ZNF438: variants seen among roughly 807,000 people sequenced by gnomAD.
The protein encoded by ZNF438 is zinc finger protein 438.
ZNF438 carries 25 observed loss-of-function variants against 38.0 expected under a neutral mutation model. The ratio of observed to expected loss-of-function variants is 0.66; its 90% confidence interval spans 0.48 to 0.92. The LOEUF is 0.92. Among genes scored for constraint, ZNF438 ranks in the 40% least tolerant of loss-of-function variants. The probability of loss-of-function intolerance (pLI) is 0.00; values close to 1 mark genes in which losing one functional copy is unlikely to be tolerated. For synonymous variants in ZNF438, 372 were observed against 364.1 expected (o/e 1.02, Z -0.25); for missense variants, 1,007 against 999.6 (o/e 1.01, Z -0.10).
chr10:30,907,604 T>C (rs2042709477), intron 3 of ZNF438, among the ~76,000 whole-genome samples: 1 of 152,168 alleles, frequency 6.6e-6, no homozygotes, highest in African/African-American at 2.4e-5. Context: ...GTTTTTGTTT[T>C]TTAGGAATTT....
chr10:30,901,774 C>T (rs916686959), intron 3 of ZNF438, among the ~76,000 whole-genome samples: 13 of 152,198 alleles, frequency 8.5e-5, no homozygotes, highest in East Asian at 5.8e-4. Context: ...AAGAATGAAG[C>T]CGCGGACCCT....
chr10:30,850,509 C>G, intron 4 of ZNF438, 142 bp from the exon 6 acceptor site: 1 of 867,084 alleles, frequency 1.2e-6, no homozygotes, highest in South Asian at 2.1e-5. Context: ...TCTTGTGTCC[C>G]TCAAGACCAG....
intron 1 of ZNF438, among the ~76,000 whole-genome samples, chr10:30,963,112 G>A (rs1373442161): frequency 6.6e-6 from 1 of 152,042 alleles, no homozygotes; most frequent in African/African-American, 2.4e-5. Context: ...ACTTTAAGAG[G>A]TTGGCCGGGC....
At chr10:30,912,009 T>A (rs1035954488) in intron 2 of ZNF438, among the ~76,000 whole-genome samples, 3 of 152,272 alleles carry the variant, frequency 2.0e-5, no homozygotes, top group Non-Finnish European at 4.4e-5. Flanking sequence ...ATATTCAACC[T>A]CTTCTTCTTA....
chr10:31,029,425 T>C (rs1055006064), intron 1 of ZNF438, among the ~76,000 whole-genome samples: 3 of 152,216 alleles, frequency 2.0e-5, no homozygotes, highest in Non-Finnish European at 4.4e-5. Flanking sequence ...ACAGCACCAC[T>C]ATACTTCTAG....
chr10:30,913,382 C>T (rs1228230719), intron 2 of ZNF438, among the ~76,000 whole-genome samples: 1 of 151,962 alleles, frequency 6.6e-6, no homozygotes, highest in Non-Finnish European at 1.5e-5. Context: ...TCCTTCCCAC[C>T]ACAGGGTCTT....
intron 3 of ZNF438, among the ~76,000 whole-genome samples, chr10:30,888,344 A>AACACACACACACACACACACACACACAC (rs140506626): frequency 5.9e-4 from 87 of 147,402 alleles, no homozygotes; most frequent in African/African-American, 1.3e-3. Context: ...TAATATTATA[A>AACACACACACACACACACACACACACAC]ACACACACAC....
chr10:30,849,971 C>T (rs528502720), exon 5 of ZNF438: 1 of 1,614,008 alleles, frequency 6.2e-7, no homozygotes, highest in Admixed American at 1.7e-5. Context: ...TTTGCTACAG[C>T]CACTCTTAGG....
intron 2 of ZNF438, among the ~76,000 whole-genome samples, chr10:30,940,415 C>T (rs889356465): frequency 3.9e-5 from 6 of 152,100 alleles, no homozygotes; most frequent in Admixed American, 3.9e-4. Flanking sequence ...AATCAGAGAA[C>T]GTGTCATAGA....
chr10:30,850,449 C>T, intron 4 of ZNF438, 82 bp from the exon 6 acceptor site: 2 of 1,483,286 alleles, frequency 1.3e-6, no homozygotes, highest in East Asian at 2.3e-5. Flanking sequence ...ATCTTATTTA[C>T]TCTGCCCAGA....
intron 1 of ZNF438, among the ~76,000 whole-genome samples, chr10:30,987,599 T>C (rs1049178938): frequency 2.0e-5 from 3 of 152,162 alleles, no homozygotes; most frequent in East Asian, 1.9e-4. Context: ...GTGCCTTTAA[T>C]TAGCGTTAGA....
chr10:30,901,507 C>T (rs1400208779), intron 3 of ZNF438, among the ~76,000 whole-genome samples: 1 of 152,112 alleles, frequency 6.6e-6, no homozygotes, highest in East Asian at 1.9e-4. Flanking sequence ...AGTCCGGGGG[C>T]CATGCTAGTC....
At chr10:30,952,194 A>G (rs866318198) in intron 1 of ZNF438, among the ~76,000 whole-genome samples, 4 of 151,370 alleles carry the variant, frequency 2.6e-5, no homozygotes, top group Non-Finnish European at 5.9e-5. Flanking sequence ...AACTGGCTAG[A>G]CATATGTAGA....
In ZNF438 at chr10:30,849,040, T is replaced by C. The variant is rs376605737; in HGVS notation, c.1365A>G (p.Thr455=). ...GGCCCCCAAGCATCTGGGACTGTAG[T>C]GTAGTTGGAGAAGCCAGGGAGGCCA... The change falls in exon 5 of 6, where the codon ACA becomes ACG. Residue 455 remains threonine (T), a synonymous_variant. Coordinates refer to ENST00000413025, the Ensembl canonical transcript of ZNF438. 9 of 1,613,990 alleles carry C rather than the reference T, an allele frequency of 5.6e-6. No homozygotes were observed. In the East Asian group the frequency reaches 6.7e-5, roughly 12 times the overall value.
intron 2 of ZNF438, among the ~76,000 whole-genome samples, chr10:30,936,791 A>G (rs560399847): frequency 3.9e-5 from 6 of 152,346 alleles, no homozygotes; most frequent in African/African-American, 1.4e-4. Context: ...AGAATTGCCA[A>G]AAAAGTCACT....
At chr10:30,860,542 T>A (rs994680751) in intron 4 of ZNF438, among the ~76,000 whole-genome samples, 1 of 152,196 alleles carries the variant, frequency 6.6e-6, no homozygotes, top group South Asian at 2.1e-4. Flanking sequence ...ATAATGAAAC[T>A]GTATTTTAAA....
At chr10:30,866,058 CA>C (rs1330057678) in intron 4 of ZNF438, among the ~76,000 whole-genome samples, 3 of 152,314 alleles carry the variant, frequency 2.0e-5, no homozygotes, top group Admixed American at 1.3e-4. Flanking sequence ...ACTGTTCAAG[CA>C]GTCATATTCT....
intron 3 of ZNF438, among the ~76,000 whole-genome samples, chr10:30,891,712 C>A (rs2040706617): frequency 6.6e-6 from 1 of 152,092 alleles, no homozygotes; most frequent in African/African-American, 2.4e-5. Flanking sequence ...GACTATGCTG[C>A]CATAGTGCAT....
intron 1 of ZNF438, among the ~76,000 whole-genome samples, chr10:30,996,289 T>C (rs2054042007): frequency 6.6e-6 from 1 of 151,708 alleles, no homozygotes; most frequent in Non-Finnish European, 1.5e-5. Context: ...AGCAATCTAA[T>C]CAAAAGAAAG....
Sources: allele counts gnomAD v4.1 joint callset (sites outside exome capture counted in the v4.1 genomes callset), GRCh38; gene constraint gnomAD v4.1.1; transcripts MANE v1.5; gene names NCBI Gene and HGNC (gene_info 2026-07-23, HGNC 2026-07-21).